The following SLC4A3 variants were observed in gnomAD, a reference collection of about 807,000 sequenced individuals.
SLC4A3 encodes the protein solute carrier family 4 member 3.
In SLC4A3, 47 loss-of-function variants were observed where a neutral mutation model predicts 114.2. That is an observed-to-expected ratio of 0.41 (90% CI 0.33 to 0.52). SLC4A3 has a LOEUF of 0.52. Ranked by LOEUF, SLC4A3 falls within the 20% of genes least tolerant of loss-of-function variation. The pLI is 0.21. For synonymous variants in SLC4A3, 693 were observed against 710.3 expected (o/e 0.98, Z 0.39); for missense variants, 1,312 against 1,668.3 (o/e 0.79, Z 3.72).
At chr2:219,633,483 C>A in intron 10 of SLC4A3, 26 bp downstream of exon 10, 1 of 1,500,652 alleles carries the variant, frequency 6.7e-7, no homozygotes, top group Non-Finnish European at 8.9e-7. Flanking sequence ...TTGGCTTGGG[C>A]CAGGGGACTG....
At position 219,628,328 on chromosome 2, in the gene SLC4A3, A is replaced by C; in HGVS notation, c.52-77A>C. ...TGTGAGAGCCTGCTGAGCTCCCCCA[A>C]CTAGGGCTTGGAGTTGGGGTGGGTG... On this transcript the variant is annotated intron_variant, in intron 2 of 22. Coordinates refer to ENST00000358055, the MANE Select transcript of SLC4A3 (RefSeq NM_005070.4). The surrounding 1 kb of genome is among the most constrained non-coding windows in gnomAD (Gnocchi z 4.8). The C allele has an allele frequency of 2.8e-6, 4 of 1,440,066 alleles. No individual in the cohort carries two copies. Among genetic ancestry groups the C allele is most frequent in the Non-Finnish European group, 2.8e-6 (3 of 1,078,072 alleles). 89.2% of individuals were successfully genotyped at this position (1,440,066 alleles called of 1,614,324 possible).
chr2:219,639,271 G>A lies in SLC4A3; in HGVS notation c.3024-211G>A, dbSNP rs1699234868. Among the ~76,000 whole-genome samples the A allele has an allele frequency of 6.6e-6, 1 of 152,170 alleles. No homozygotes were observed. The highest frequency in any genetic ancestry group is 2.4e-5 in the African/African-American group (1 of 41,436). On this transcript the variant is annotated intron_variant, in intron 19 of 22. Coordinates refer to ENST00000358055, the MANE Select transcript of SLC4A3 (RefSeq NM_005070.4). This position sits in a 1 kb window ranked among gnomAD's most constrained non-coding sequence, Gnocchi z 5.9. ...AGATCTGGCATCTGGCTTTTGTGGT[G>A]TTTTAAATATTCACAGTATGAGAAT...
Position 219,636,361 on chromosome 2 carries a change from G to A in SLC4A3, c.2251G>A (p.Gly751Ser). 2.5e-6 allele frequency: 4 copies of A among 1,613,734 alleles called. No homozygotes were observed. Among genetic ancestry groups the A allele is most frequent in the Non-Finnish European group, 3.4e-6 (4 of 1,179,896 alleles). Residue 751 changes from glycine to serine, a missense_variant, in exon 15 of 23, where the codon GGC becomes AGC. Physicochemically the swap from Gly to Ser is moderately conservative, Grantham distance 56. Transcript: ENST00000358055. This position sits in a 1 kb window ranked among gnomAD's most constrained non-coding sequence, Gnocchi z 5.5. ...GCTGATCGTGTCCACCGCTGTGCTC[G>A]GCGTCCTCTTCTCTCTGCTGGGAGC... ...SELIVSTAVL[G>S]VLFSLLGAQP...
At position 219,632,448 on chromosome 2, in the gene SLC4A3, G is replaced by A; in HGVS notation, c.1141+6G>A. The A allele has an allele frequency of 1.3e-6, 2 of 1,582,912 alleles. No individual in the cohort carries two copies. The highest frequency in any genetic ancestry group is 1.2e-5 in the South Asian group (1 of 83,908). Reference sequence around the variant, plus strand: ...CAGGAGGACCATCGCCCATGGTAGGGACCCCCAGGCCTGGCCCGAGGCTGC... The same window carrying A: ...CAGGAGGACCATCGCCCATGGTAGGAACCCCCAGGCCTGGCCCGAGGCTGC... On this transcript the variant is annotated splice_donor_region_variant and intron_variant, in intron 8 of 22. Coordinates refer to ENST00000358055, the MANE Select transcript of SLC4A3 (RefSeq NM_005070.4).
Position 219,640,610 on chromosome 2 carries a change from G to C in SLC4A3, c.3447+11G>C. ...CCCTATGTGACCAAGGTAGGGCCGGGAAGCATGGGGGTAGGGCAGTGGGGT... is the reference window on the plus strand; with the variant it reads ...CCCTATGTGACCAAGGTAGGGCCGGCAAGCATGGGGGTAGGGCAGTGGGGT... On this transcript the variant is annotated intron_variant, in intron 21 of 22. Transcript: ENST00000358055. 1 of 1,613,032 alleles carries C rather than the reference G, an allele frequency of 6.2e-7. No individual in the cohort carries two copies. Among genetic ancestry groups the C allele is most frequent in the Non-Finnish European group, 8.5e-7 (1 of 1,179,326 alleles).
rs1451138416 is a variant in SLC4A3 at position 219,640,906 on chromosome 2, G to A, written c.3565G>A (p.Val1189Met). 6.2e-7 allele frequency: 1 copy of A among 1,610,840 alleles called. No homozygotes were observed. Among genetic ancestry groups the A allele is most frequent in the African/African-American group, 1.3e-5 (1 of 75,050 alleles). ...LAFPFLLLLT[V>M]PLRHCLLPRL... Reference sequence around the variant, plus strand: ...CTTTCCCTTCCTGCTGCTGCTCACGGTGCCTCTGAGGCATTGCCTTCTGCC... The same window carrying A: ...CTTTCCCTTCCTGCTGCTGCTCACGATGCCTCTGAGGCATTGCCTTCTGCC... The change falls in exon 22 of 23, where the codon GTG becomes ATG. Residue 1189 changes from valine (V) to methionine (M), a missense_variant. Val to Met is a conservative substitution (Grantham distance 21, BLOSUM62 1). Transcript: ENST00000358055.
intron 8 of SLC4A3, 103 bp downstream of exon 8, chr2:219,632,545 A>T: frequency 7.6e-7 from 1 of 1,318,182 alleles, no homozygotes; most frequent in Non-Finnish European, 1.0e-6. Context: ...CACAGGCAAG[A>T]TCCAACTGCC....
chr2:219,632,295 C>T lies in SLC4A3; in HGVS notation c.994C>T (p.Arg332Cys), dbSNP rs548729264. The change falls in exon 8 of 23, where the codon CGC becomes TGC. Residue 332 changes from arginine to cysteine, a missense_variant. This residue lies in a region of SLC4A3 where 771 missense variants were observed against 977.7 expected (regional missense o/e 0.79). Transcript: ENST00000358055. ...GGAGCTGAACGAGCTGATGCTGGAC[C>T]GCAGCCAGGAGCCCCACTGGCGGGA... is the stretch of plus-strand genomic sequence containing the variant. ...FVELNELMLD[R>C]SQEPHWRETA... 143 of 1,614,090 alleles carry T rather than the reference C, an allele frequency of 8.9e-5. 1 individual carries two copies. In the South Asian group the frequency reaches 1.1e-3, roughly 12 times the overall value.
rs1699291947 is a variant in SLC4A3, at chr2:219,640,597, A to G, written c.3445A>G (p.Lys1149Glu). The change falls in exon 21 of 23, where the codon AAG becomes GAG. Residue 1149 changes from lysine to glutamate, a missense_variant and splice_region_variant. Lys to Glu is a moderately conservative substitution (Grantham distance 56). This residue lies in a region of SLC4A3 where 301 missense variants were observed against 460.7 expected (regional missense o/e 0.65). Coordinates refer to ENST00000358055, the MANE Select transcript of SLC4A3 (RefSeq NM_005070.4). Reference protein sequence around the residue: ...KHHPEQPYVTKVKTWRMHLFT... With the variant: ...KHHPEQPYVTEVKTWRMHLFT... ...CCATCCTGAGCAGCCCTATGTGACC[A>G]AGGTAGGGCCGGGAAGCATGGGGGT... 1 of 1,613,576 alleles carries G rather than the reference A, an allele frequency of 6.2e-7. No homozygotes were observed. Among genetic ancestry groups the G allele is most frequent in the African/African-American group, 1.3e-5 (1 of 74,908 alleles).
chr2:219,635,174 C>A, intron 12 of SLC4A3, 97 bp from the exon 13 acceptor site: 1 of 903,710 alleles, frequency 1.1e-6, no homozygotes, highest in East Asian at 2.5e-5. Flanking sequence ...AATGTCCACC[C>A]TGCCTGTAGC....
chr2:219,638,350 C>A lies in SLC4A3; in HGVS notation c.2856+97C>A. ...ATGGGCCCTGGGATTGGGATCAGGC[C>A]TGAACTCAACTTTCCCAGTGGAGTG... On this transcript the variant is annotated intron_variant, in intron 18 of 22. Transcript: ENST00000358055. This position sits in a 1 kb window ranked among gnomAD's most constrained non-coding sequence, Gnocchi z 7.5. 2.0e-6 allele frequency: 2 copies of A among 1,007,834 alleles called. No homozygotes were observed. Among genetic ancestry groups the A allele is most frequent in the South Asian group, 1.4e-5 (1 of 71,686 alleles). 62.4% of individuals were successfully genotyped at this position (1,007,834 alleles called of 1,614,324 possible). A position where few individuals can be genotyped will look rare whatever the true frequency, so the allele number is the denominator to read the frequency against.
chr2:219,636,621 G>A lies in SLC4A3; in HGVS notation c.2341-59G>A. 1 of 1,525,168 alleles carries A rather than the reference G, an allele frequency of 6.6e-7. No individual in the cohort carries two copies. Among genetic ancestry groups the A allele is most frequent in the South Asian group, 1.2e-5 (1 of 81,706 alleles). 94.5% of individuals were successfully genotyped at this position (1,525,168 alleles called of 1,614,324 possible). ...GAGTTCATCCGCTGCCTATTCCAGGGGGCATTGACACCCAGGGCAGTCCAC... is the reference window on the plus strand; with the variant it reads ...GAGTTCATCCGCTGCCTATTCCAGGAGGCATTGACACCCAGGGCAGTCCAC... On this transcript the variant is annotated intron_variant, in intron 15 of 22. Coordinates refer to ENST00000358055, the MANE Select transcript of SLC4A3 (RefSeq NM_005070.4). The surrounding 1 kb of genome is among the most constrained non-coding windows in gnomAD (Gnocchi z 5.5).
chr2:219,630,292 GT>G lies in SLC4A3; in HGVS notation c.752del (p.Val251GlyfsTer19). Reference protein sequence around the residue: ...LGNPGGPEQQVPTDEAEAQML... With the variant: ...LGNPGGPEQQXPTDEAEAQML... ...CAACCCAGGTGGTCCAGAGCAGCAG[GT>G]GCCCACAGATGAGGCGGAGGCCCAG... On this transcript the variant is annotated frameshift_variant, in exon 6 of 23. Transcript: ENST00000358055. LOFTEE classifies it high-confidence loss of function. The surrounding 1 kb of genome is among the most constrained non-coding windows in gnomAD (Gnocchi z 6.9). 1 of 1,613,236 alleles carries G rather than the reference GT, an allele frequency of 6.2e-7. No individual in the cohort carries two copies. Among genetic ancestry groups the G allele is most frequent in the Non-Finnish European group, 8.5e-7 (1 of 1,179,806 alleles).
intron 8 of SLC4A3, among the ~76,000 whole-genome samples, 166 bp downstream of exon 8, chr2:219,632,608 C>T (rs1333050530): frequency 1.3e-5 from 2 of 152,270 alleles, no homozygotes; most frequent in Non-Finnish European, 2.9e-5. Context: ...CCCCGAGGGG[C>T]AGGGCTGTAT....
chr2:219,633,872 G>C lies in SLC4A3; in HGVS notation c.1462-8G>C. 6.4e-7 allele frequency: 1 copy of C among 1,554,356 alleles called. No individual in the cohort carries two copies. The highest frequency in any genetic ancestry group is 8.7e-7 in the Non-Finnish European group (1 of 1,148,402). ...GGTCCCAGCCCTATTCCAGTTCTGC[G>C]TCCTCAGAAGCCCCTCCACATGCCT... On this transcript the variant is annotated splice_region_variant and splice_polypyrimidine_tract_variant and intron_variant, in intron 10 of 22. Transcript: ENST00000358055.
chr2:219,629,756 T>C, intron 5 of SLC4A3, 61 bp downstream of exon 5: 2 of 1,141,818 alleles, frequency 1.8e-6, no homozygotes, highest in Non-Finnish European at 2.5e-6. Flanking sequence ...CCAGAGCTCC[T>C]GGCAGTCACC....
chr2:219,631,190 C>T lies in SLC4A3; in HGVS notation c.812-778C>T, dbSNP rs1480166658. On this transcript the variant is annotated intron_variant, in intron 6 of 22. Coordinates refer to ENST00000358055, the MANE Select transcript of SLC4A3 (RefSeq NM_005070.4). This position sits in a 1 kb window ranked among gnomAD's most constrained non-coding sequence, Gnocchi z 6.3. Reference sequence around the variant, plus strand: ...TCCAGGCTCCCACCTTGTAGGAGAGCCGAGGGGTCTGGTAGGGAGCGGAGG... The same window carrying T: ...TCCAGGCTCCCACCTTGTAGGAGAGTCGAGGGGTCTGGTAGGGAGCGGAGG... 2 of 1,200,470 alleles carry T rather than the reference C, an allele frequency of 1.7e-6. No homozygotes were observed. Among genetic ancestry groups the T allele is most frequent in the Non-Finnish European group, 2.1e-6 (2 of 937,612 alleles). 74.4% of individuals were successfully genotyped at this position (1,200,470 alleles called of 1,614,324 possible). A position where few individuals can be genotyped will look rare whatever the true frequency, so the allele number is the denominator to read the frequency against.
chr2:219,640,690 A>C (rs908509504), intron 21 of SLC4A3, 91 bp downstream of exon 21: 1 of 1,568,974 alleles, frequency 6.4e-7, no homozygotes, highest in Middle Eastern at 1.7e-4. Flanking sequence ...GATGAATATG[A>C]AGGAGAAGCT....
chr2:219,628,648 C>G lies in SLC4A3; in HGVS notation c.217+78C>G. 1 of 1,463,394 alleles carries G rather than the reference C, an allele frequency of 6.8e-7. No homozygotes were observed. The highest frequency in any genetic ancestry group is 2.3e-5 in the East Asian group (1 of 42,610). 90.7% of individuals were successfully genotyped at this position (1,463,394 alleles called of 1,614,324 possible). A position where few individuals can be genotyped will look rare whatever the true frequency, so the allele number is the denominator to read the frequency against. On this transcript the variant is annotated intron_variant, in intron 3 of 22. Coordinates refer to ENST00000358055, the MANE Select transcript of SLC4A3 (RefSeq NM_005070.4). The surrounding 1 kb of genome is among the most constrained non-coding windows in gnomAD (Gnocchi z 4.8). ...TCGCCACCATCACCGCGCTCACCTC[C>G]GGCTTGGTCACCCAGTGCCATCCTG...
Sources: gnomAD v4.1 joint callset for allele counts (sites outside exome capture counted in the v4.1 genomes callset) on GRCh38, gnomAD v4.1.1 for gene constraint, gnomAD v4.1.1 regional missense constraint, Gnocchi (gnomAD v3.1) non-coding constraint, MANE v1.5 for transcripts, NCBI Gene and HGNC (gene_info 2026-07-23, HGNC 2026-07-21) for gene names.